ARFGEF1: variants seen among roughly 807,000 people sequenced by gnomAD.
ARFGEF1 encodes ARF guanine nucleotide exchange factor 1, also known as brefeldin A-inhibited guanine nucleotide-exchange protein 1.
ARFGEF1 carries 42 observed loss-of-function variants against 231.0 expected under a neutral mutation model. That is an observed-to-expected ratio of 0.18 (90% CI 0.14 to 0.24). ARFGEF1 has a LOEUF of 0.24. Ranked by LOEUF, ARFGEF1 falls within the 10% of genes least tolerant of loss-of-function variation. The pLI is 1.00. For synonymous variants in ARFGEF1, 710 were observed against 732.3 expected (o/e 0.97, Z 0.49); for missense variants, 1,345 against 2,192.0 (o/e 0.61, Z 7.72).
chr8:67,276,853 G>A (rs1805334310), intron 8 of ARFGEF1, among the ~76,000 whole-genome samples: 1 of 152,146 alleles, frequency 6.6e-6, no homozygotes, highest in African/African-American at 2.4e-5. Context: ...CCAAAATGTG[G>A]AATTCTCCAA....
chr8:67,237,732 A>G (rs1187050541), intron 22 of ARFGEF1, among the ~76,000 whole-genome samples: 1 of 152,244 alleles, frequency 6.6e-6, no homozygotes, highest in Non-Finnish European at 1.5e-5. Context: ...AGTAACTTAC[A>G]CATAATAAGG....
downstream of ARFGEF1, chr8:67,193,473 C>T (rs537833447): frequency 9.1e-5 from 147 of 1,612,354 alleles, 2 homozygotes; most frequent in South Asian, 1.5e-3. Flanking sequence ...GGATAGCAGT[C>T]GTCCTAATGT....
In ARFGEF1 at chr8:67,204,658, AGC is replaced by A; in HGVS notation, c.4959+20_4959+21del. ...AACTTCCTACTTACACAAAAAAAGC[AGC>A]TGTCCTCCTATCTCCTTACCTGTGC... On this transcript the variant is annotated intron_variant, in intron 35 of 38. Transcript: ENST00000262215. 1 of 1,596,502 alleles carries A rather than the reference AGC, an allele frequency of 6.3e-7. No homozygotes were observed.
chr8:67,215,504 T>C (rs1838894345), intron 33 of ARFGEF1, among the ~76,000 whole-genome samples: 1 of 152,222 alleles, frequency 6.6e-6, no homozygotes, highest in Non-Finnish European at 1.5e-5. Context: ...GAGATCATCC[T>C]GGATTTCAGG....
At chr8:67,343,102 C>CCGGG in intron 1 of ARFGEF1, 62 bp downstream of exon 1, 2 of 560,604 alleles carry the variant, frequency 3.6e-6, no homozygotes, top group Non-Finnish European at 5.4e-6. Flanking sequence ...CACCCCCCCA[C>CCGGG]AGGCGCCCCC....
At chr8:67,189,341 T>G (rs549390233) in intron 5 of ARFGEF1, among the ~76,000 whole-genome samples, 36 of 152,276 alleles carry the variant, frequency 2.4e-4, no homozygotes, top group African/African-American at 7.7e-4. Flanking sequence ...TTATTCATAA[T>G]TGCTAAAACT....
chr8:67,323,250 TCAACAA>T (rs112920519), intron 1 of ARFGEF1, among the ~76,000 whole-genome samples: 2 of 151,874 alleles, frequency 1.3e-5, no homozygotes, highest in Non-Finnish European at 2.9e-5. Flanking sequence ...AGACTCCATC[TCAACAA>T]CAACAACAAC....
chr8:67,297,947 C>T (rs899395557), intron 4 of ARFGEF1, among the ~76,000 whole-genome samples: 4 of 151,896 alleles, frequency 2.6e-5, no homozygotes, highest in African/African-American at 9.7e-5. Flanking sequence ...GGACCACAGG[C>T]ACACATCACC....
intron 1 of ARFGEF1, among the ~76,000 whole-genome samples, chr8:67,317,401 GA>G (rs1225466809): frequency 6.6e-6 from 1 of 152,082 alleles, no homozygotes; most frequent in East Asian, 1.9e-4. Context: ...TTTAACCTGT[GA>G]AATACGACTC....
intron 3 of ARFGEF1, among the ~76,000 whole-genome samples, chr8:67,300,990 A>G (rs561200619): frequency 1.3e-5 from 2 of 152,320 alleles, no homozygotes; most frequent in South Asian, 4.1e-4. Flanking sequence ...TTCATTATTG[A>G]TAAACTTAGT....
At chr8:67,195,226 G>A (rs1837654324), downstream of ARFGEF1, among the ~76,000 whole-genome samples, 1 of 151,994 alleles carries the variant, frequency 6.6e-6, no homozygotes, top group East Asian at 2.0e-4. Flanking sequence ...GGGTGGGGTG[G>A]GGTGAGTCTA....
intron 1 of ARFGEF1, among the ~76,000 whole-genome samples, chr8:67,319,054 T>C (rs559927631): frequency 6.6e-6 from 1 of 152,222 alleles, no homozygotes; most frequent in South Asian, 2.1e-4. Flanking sequence ...ATATAAAATA[T>C]ATACTGAAAG....
chr8:67,211,856 A>C (rs1481579744), intron 33 of ARFGEF1, among the ~76,000 whole-genome samples: 1 of 152,196 alleles, frequency 6.6e-6, no homozygotes, highest in Non-Finnish European at 1.5e-5. Context: ...TAAAAATGCG[A>C]AACTTCAAAG....
intron 13 of ARFGEF1, 34 bp from the exon 14 acceptor site, chr8:67,266,241 CT>C: frequency 6.4e-7 from 1 of 1,557,282 alleles, no homozygotes; most frequent in South Asian, 1.2e-5. Context: ...GTACATTATT[CT>C]ATCAAAGAAA....
chr8:67,302,031 A>C (rs1380808043), intron 2 of ARFGEF1, among the ~76,000 whole-genome samples: 1 of 151,964 alleles, frequency 6.6e-6, no homozygotes, highest in African/African-American at 2.4e-5. Context: ...ATATGGCAGA[A>C]TCCCATCTCT....
intron 7 of ARFGEF1, 72 bp downstream of exon 7, chr8:67,287,883 A>G: frequency 1.1e-5 from 12 of 1,045,304 alleles, no homozygotes; most frequent in Non-Finnish European, 1.6e-5. Context: ...TCTATTCCAG[A>G]CATTACAAAG....
intron 34 of ARFGEF1, chr8:67,207,260 A>C (rs1838555923): frequency 6.6e-6 from 1 of 152,214 alleles, no homozygotes; most frequent in Non-Finnish European, 1.5e-5. Context: ...TCCAGAATGG[A>C]CTTAGCAGTA....
intron 5 of ARFGEF1, among the ~76,000 whole-genome samples, chr8:67,293,187 A>T (rs1320803682): frequency 1.3e-5 from 2 of 152,136 alleles, no homozygotes; most frequent in Non-Finnish European, 2.9e-5. Flanking sequence ...AATTATCCAT[A>T]GCACAGAACT....
intron 1 of ARFGEF1, 24 bp downstream of exon 1, chr8:67,343,140 C>T (rs772171500): frequency 1.1e-5 from 15 of 1,348,176 alleles, no homozygotes; most frequent in African/African-American, 1.4e-5. Context: ...AGCACCCCAT[C>T]CCCCGGGCCT....
Sources: allele counts gnomAD v4.1 joint callset (sites outside exome capture counted in the v4.1 genomes callset), GRCh38; gene constraint gnomAD v4.1.1; transcripts MANE v1.5; gene names NCBI Gene and HGNC (gene_info 2026-07-23, HGNC 2026-07-21).